The following CHORDC1 variants were observed in gnomAD, a reference collection of about 807,000 sequenced individuals.
CHORDC1 encodes the protein cysteine and histidine-rich domain-containing protein 1.
Under a neutral mutation model 48.3 loss-of-function variants are expected in CHORDC1, and 25 were observed. The ratio of observed to expected loss-of-function variants is 0.52; its 90% CI spans 0.38 to 0.72. The LOEUF (loss-of-function observed/expected upper bound fraction) is 0.72. Ranked by LOEUF, CHORDC1 falls within the 30% of genes least tolerant of loss-of-function variation. The pLI is 0.00. For synonymous variants in CHORDC1, 128 were observed against 126.4 expected, an observed-to-expected ratio of 1.01 and a Z score of -0.09; for missense variants, 317 against 388.7, an observed-to-expected ratio of 0.82 and a Z score of 1.55.
chr11:90,215,654 C>A (rs1194371600), intron 2 of CHORDC1, among the ~76,000 whole-genome samples: 1 of 151,620 alleles, frequency 6.6e-6, no homozygotes, highest in Non-Finnish European at 1.5e-5. Context: ...TTTAATTTCA[C>A]AATAAGCATT....
chr11:90,211,307 G>A lies in CHORDC1; in HGVS notation c.341C>T (p.Pro114Leu). ...TATTTTTAATTCCAAATTTGTCATT[G>A]GTTCATCTGGGCTGGAGAATTTTGA... is the stretch of plus-strand genomic sequence containing the variant. ...EAIKRPSPDE[P>L]MTNLELKISA... is the part of the protein sequence containing the mutation. Residue 114 changes from proline to leucine, a missense_variant, in exon 5 of 11, where the codon CCA becomes CTA. Physicochemically the swap from Pro to Leu is moderately conservative, Grantham distance 98. Transcript: ENST00000320585. The A allele has an allele frequency of 6.2e-7, 1 of 1,603,710 alleles. No individual in the cohort carries two copies. Among genetic ancestry groups the A allele is most frequent in the East Asian group, 2.2e-5 (1 of 44,578 alleles).
chr11:90,214,723 TATAC>T (rs1425483495), intron 3 of CHORDC1, among the ~76,000 whole-genome samples: 2 of 152,114 alleles, frequency 1.3e-5, no homozygotes, highest in African/African-American at 4.8e-5. Flanking sequence ...TCTACTGAAT[TATAC>T]ATACTCTTTA....
At chr11:90,216,383 A>T (rs955593464) in intron 2 of CHORDC1, 1 of 234,206 alleles carries the variant, frequency 4.3e-6, no homozygotes, top group Non-Finnish European at 8.5e-6. Flanking sequence ...TTTTTTCAGC[A>T]AGATTGTCCT....
chr11:90,207,761 CAAAAAA>C (rs71055890), intron 6 of CHORDC1: 1 of 52,770 alleles, frequency 1.9e-5, no homozygotes, highest in African/African-American at 6.3e-5. Flanking sequence ...GGTTAAAATA[CAAAAAA>C]AAAAAAAAAA....
chr11:90,207,613 G>A (rs569326501), intron 6 of CHORDC1: 29 of 151,910 alleles, frequency 1.9e-4, no homozygotes, highest in Admixed American at 4.6e-4. Context: ...TGGTAAGCAA[G>A]AGACATTAGA....
At chr11:90,212,544 G>GGCTGCAGTGAGCTATAATGCC (rs1857900862) in intron 4 of CHORDC1, 1 of 152,118 alleles carries the variant, frequency 6.6e-6, no homozygotes, top group African/African-American at 2.4e-5. Context: ...AGGAGTTAAA[G>GGCTGCAGTGAGCTATAATGCC]GCTGCAGTGA....
intron 1 of CHORDC1, 191 bp downstream of exon 1, chr11:90,222,700 G>A: frequency 2.8e-6 from 2 of 706,976 alleles, no homozygotes. Flanking sequence ...CCGGGCGCTC[G>A]CCAAGGGAAC....
chr11:90,205,971 G>A, intron 7 of CHORDC1: 1 of 524,756 alleles, frequency 1.9e-6, no homozygotes, highest in Non-Finnish European at 3.4e-6. Context: ...AAGAAAAACA[G>A]GCAGTTTATA....
At chr11:90,216,372 C>T in intron 2 of CHORDC1, 2 of 237,562 alleles carry the variant, frequency 8.4e-6, no homozygotes, top group Non-Finnish European at 8.4e-6. Context: ...TGCTAGTTGT[C>T]TTTTTTCAGC....
intron 2 of CHORDC1, among the ~76,000 whole-genome samples, chr11:90,217,023 T>C (rs1858029497): frequency 6.6e-6 from 1 of 152,032 alleles, no homozygotes; most frequent in Non-Finnish European, 1.5e-5. Context: ...AAATAAACAT[T>C]TCCACAGCAC....
At position 90,205,525 on chromosome 11, in the gene CHORDC1, A is replaced by C; in HGVS notation, c.604T>G (p.Phe202Val). 6.2e-7 allele frequency: 1 copy of C among 1,602,452 alleles called. No individual in the cohort carries two copies. Among genetic ancestry groups the C allele is most frequent in the Non-Finnish European group, 8.5e-7 (1 of 1,176,948 alleles). ...WSCCRRKTSD[F>V]NTFLAQEGCT... ...CCCTCTTGGGCTAAGAATGTATTAAAATCAGAAGTTTTTCTTCTACAACAG... is the reference window on the plus strand; with the variant it reads ...CCCTCTTGGGCTAAGAATGTATTAACATCAGAAGTTTTTCTTCTACAACAG... Residue 202 changes from phenylalanine to valine, a missense_variant, in exon 8 of 11, where the codon TTT (phenylalanine) becomes GTT (valine). Physicochemically the swap from Phe to Val is conservative, Grantham distance 50. Transcript: ENST00000320585.
intron 2 of CHORDC1, 88 bp downstream of exon 2, chr11:90,218,047 G>A (rs1858062818): frequency 4.1e-6 from 4 of 980,604 alleles, no homozygotes; most frequent in Admixed American, 3.3e-5. Flanking sequence ...GTCACTAGCT[G>A]AGAAAAAAAG....
chr11:90,203,338 T>C lies in CHORDC1; in HGVS notation c.759A>G (p.Glu253=). ...ISVYAKNSLP[E]LSRVEANSTL... is the part of the protein sequence containing the mutation. Reference sequence around the variant, plus strand: ...TGCTATTTGCTTCTACTCGGCTAAGTTCTGGAAGTGAGTTTTTAGCATATA... The same window carrying C: ...TGCTATTTGCTTCTACTCGGCTAAGCTCTGGAAGTGAGTTTTTAGCATATA... The change falls in exon 9 of 11, where the codon GAA becomes GAG. Residue 253 remains glutamate (E), a synonymous_variant. Coordinates refer to ENST00000320585, the MANE Select transcript of CHORDC1 (RefSeq NM_012124.3). 6.3e-7 allele frequency: 1 copy of C among 1,599,914 alleles called. No homozygotes were observed. Among genetic ancestry groups the C allele is most frequent in the South Asian group, 1.1e-5 (1 of 88,894 alleles).
intron 4 of CHORDC1, 129 bp from the exon 5 acceptor site, chr11:90,211,447 G>A (rs2135042469): frequency 1.5e-6 from 1 of 645,880 alleles, no homozygotes; most frequent in South Asian, 1.7e-5. Flanking sequence ...CCATTAAAAG[G>A]TTAAAAGGTA....
At chr11:90,216,566 G>A (rs1047177406) in intron 2 of CHORDC1, 2 of 438,914 alleles carry the variant, frequency 4.6e-6, no homozygotes, top group Non-Finnish European at 9.0e-6. Flanking sequence ...TTAAGAAATG[G>A]TTATAAAATA....
In CHORDC1 at chr11:90,202,761, C is replaced by CAAATGATCTA. The variant is rs1322975375; in HGVS notation, c.852+42_852+51dup. ...TACTGAAGAATTGTCTTTTATTCTA[C>CAAATGATCTA]AAATGATCTAAGTTATCAGAAAAAA... On this transcript the variant is annotated intron_variant, in intron 10 of 10. Coordinates refer to ENST00000320585, the MANE Select transcript of CHORDC1 (RefSeq NM_012124.3). The CAAATGATCTA allele has an allele frequency of 7.1e-5, 109 of 1,527,286 alleles. No homozygotes were observed. The African/African-American group carries it at 1.5e-3, about 20-fold the overall frequency. The allele number at this position is 1,527,286 out of a possible 1,614,324, so 94.6% of individuals were successfully genotyped here.
intron 1 of CHORDC1, among the ~76,000 whole-genome samples, chr11:90,218,421 T>C (rs1445749170): frequency 6.6e-6 from 1 of 152,196 alleles, no homozygotes; most frequent in Non-Finnish European, 1.5e-5. Flanking sequence ...TGTTTATGTA[T>C]AACAATTATA....
rs191022336 is a variant in CHORDC1 at position 90,200,654 on chromosome 11, G to A, written c.*1751C>T. Among the ~76,000 whole-genome samples the A allele has an allele frequency of 2.0e-5, 3 of 151,976 alleles. No individual in the cohort carries two copies. In the East Asian group the frequency reaches 5.8e-4, roughly 29 times the overall value. On this transcript the variant is annotated 3_prime_UTR_variant, in exon 11 of 11. Coordinates refer to ENST00000320585, the MANE Select transcript of CHORDC1 (RefSeq NM_012124.3). Reference sequence around the variant, plus strand: ...ATAAAAGCTACATATGTATGTGTGTGTGTGTGTGTATAAATCAATGTTTTG... The same window carrying A: ...ATAAAAGCTACATATGTATGTGTGTATGTGTGTGTATAAATCAATGTTTTG...
intron 6 of CHORDC1, among the ~76,000 whole-genome samples, chr11:90,209,947 T>C (rs1385662303): frequency 1.3e-5 from 2 of 152,124 alleles, no homozygotes; most frequent in Admixed American, 1.3e-4. Flanking sequence ...AGAACCACCA[T>C]AATTCTGTCT....
Sources: gnomAD v4.1 joint callset for allele counts (sites outside exome capture counted in the v4.1 genomes callset) on GRCh38, gnomAD v4.1.1 for gene constraint, MANE v1.5 for transcripts, NCBI Gene and HGNC (gene_info 2026-07-23, HGNC 2026-07-21) for gene names.